Variants in ZNF385B observed in about 807,000 individuals in gnomAD.
ZNF385B encodes zinc finger protein 385B, also known as zinc finger protein 533.
A neutral mutation model predicts 39.2 loss-of-function variants in ZNF385B; 23 were observed. The observed-to-expected ratio is 0.59, with a 90% CI of 0.42 to 0.83. ZNF385B has a LOEUF of 0.83. Among genes scored for constraint, ZNF385B ranks in the 40% least tolerant of loss-of-function variants. The pLI is 0.00. For synonymous variants in ZNF385B, 205 were observed against 222.6 expected, an observed-to-expected ratio of 0.92 and a Z score of 0.70; for missense variants, 552 against 598.9, an observed-to-expected ratio of 0.92 and a Z score of 0.82.
Position 179,769,705 on chromosome 2 carries a change from G to A in ZNF385B, c.96C>T (p.Asn32=), listed in dbSNP as rs61747266. ...TGCTCAACTGGTCCTCAGGCCTGTC[G>A]TTCTTTATCCCCTTTTCTTCAAAGC... The part of the protein sequence containing the change: ...LRGFEEKGIK[N]DRPEDQLSKE... Residue 32 remains asparagine (N), a synonymous_variant, in exon 3 of 10, where the codon AAC becomes AAT. Transcript: ENST00000410066. 7.1e-4 allele frequency: 1,144 copies of A among 1,614,118 alleles called. 5 individuals carry two copies. The African/African-American group carries it at 0.011, about 16-fold the overall frequency.
At chr2:179,586,416 AG>A (rs1174076209) in intron 3 of ZNF385B, among the ~76,000 whole-genome samples, 7 of 152,188 alleles carry the variant, frequency 4.6e-5, no homozygotes, top group African/African-American at 1.7e-4. Flanking sequence ...GCAGCCCTGT[AG>A]TATCTGTTTA....
At chr2:179,656,655 G>A (rs546351605) in intron 3 of ZNF385B, among the ~76,000 whole-genome samples, 1 of 152,072 alleles carries the variant, frequency 6.6e-6, no homozygotes, top group Non-Finnish European at 1.5e-5. Context: ...CTACAGCAGT[G>A]TTTCTCAACC....
intron 1 of ZNF385B, among the ~76,000 whole-genome samples, chr2:179,834,538 C>T (rs546703173): frequency 1.4e-4 from 22 of 151,958 alleles, no homozygotes; most frequent in East Asian, 7.7e-4. Flanking sequence ...AAACGAAAGA[C>T]GGGGGGAAAG....
chr2:179,703,253 A>G (rs181247916), intron 3 of ZNF385B, among the ~76,000 whole-genome samples: 2 of 152,254 alleles, frequency 1.3e-5, no homozygotes, highest in East Asian at 3.9e-4. Context: ...CACCTGCCTC[A>G]AGACCTTAGC....
intron 5 of ZNF385B, among the ~76,000 whole-genome samples, chr2:179,517,492 A>T (rs2058172279): frequency 6.7e-6 from 1 of 149,944 alleles, no homozygotes; most frequent in Non-Finnish European, 1.5e-5. Context: ...TAATTTCATA[A>T]ATCATGATAA....
chr2:179,595,540 G>C (rs966384236), intron 3 of ZNF385B, among the ~76,000 whole-genome samples: 20 of 152,054 alleles, frequency 1.3e-4, no homozygotes, highest in Non-Finnish European at 1.5e-5. Flanking sequence ...GCAGCTCTTT[G>C]AGCAGCCCAG....
chr2:179,448,571 A>G (rs1472540175), intron 6 of ZNF385B, among the ~76,000 whole-genome samples: 1 of 152,120 alleles, frequency 6.6e-6, no homozygotes, highest in African/African-American at 2.4e-5. Context: ...AGAACTTTAC[A>G]GTTTACAAAG....
intron 1 of ZNF385B, among the ~76,000 whole-genome samples, chr2:179,772,923 A>T (rs1036923713): frequency 6.6e-6 from 1 of 152,234 alleles, no homozygotes; most frequent in African/African-American, 2.4e-5. Context: ...TTACCAGATT[A>T]GATGACCAAC....
chr2:179,852,064 T>C (rs1684215066), intron 1 of ZNF385B, among the ~76,000 whole-genome samples: 1 of 152,112 alleles, frequency 6.6e-6, no homozygotes, highest in Non-Finnish European at 1.5e-5. Flanking sequence ...ACTTCAAGGA[T>C]TTGCAAGGGC....
intron 3 of ZNF385B, among the ~76,000 whole-genome samples, chr2:179,622,966 T>TCA (rs1690341475): frequency 6.6e-6 from 1 of 152,182 alleles, no homozygotes. Context: ...AGCTAAAATC[T>TCA]CACACATTTA....
intron 1 of ZNF385B, among the ~76,000 whole-genome samples, chr2:179,842,665 G>T (rs1040035646): frequency 1.3e-5 from 2 of 151,874 alleles, no homozygotes; most frequent in African/African-American, 4.8e-5. Flanking sequence ...CCACCAGATG[G>T]CAGTCGAGGC....
At chr2:179,673,167 C>A (rs1696271368) in intron 3 of ZNF385B, among the ~76,000 whole-genome samples, 1 of 152,076 alleles carries the variant, frequency 6.6e-6, no homozygotes, top group Non-Finnish European at 1.5e-5. Context: ...CCAAGAAACC[C>A]CAAGCCAAGC....
chr2:179,644,697 G>T (rs1324267261), intron 3 of ZNF385B, among the ~76,000 whole-genome samples: 1 of 152,078 alleles, frequency 6.6e-6, no homozygotes, highest in Non-Finnish European at 1.5e-5. Flanking sequence ...TGGGACGTTA[G>T]ACTAAAATAA....
At chr2:179,601,901 G>T (rs1688437303) in intron 3 of ZNF385B, among the ~76,000 whole-genome samples, 1 of 152,102 alleles carries the variant, frequency 6.6e-6, no homozygotes. Flanking sequence ...GCTATGATCT[G>T]CTATGCTTTT....
At chr2:179,579,031 A>T (rs1169795655) in intron 3 of ZNF385B, among the ~76,000 whole-genome samples, 1 of 152,100 alleles carries the variant, frequency 6.6e-6, no homozygotes, top group African/African-American at 2.4e-5. Flanking sequence ...TTATCCTGAC[A>T]TACACAGTAA....
At chr2:179,497,865 T>C (rs931800597) in intron 5 of ZNF385B, among the ~76,000 whole-genome samples, 2 of 152,074 alleles carry the variant, frequency 1.3e-5, no homozygotes, top group African/African-American at 4.8e-5. Context: ...AATTAAGGGA[T>C]GTAAAGATAT....
intron 8 of ZNF385B, 86 bp from the exon 9 acceptor site, chr2:179,445,063 G>T: frequency 1.8e-6 from 2 of 1,132,672 alleles, no homozygotes; most frequent in East Asian, 4.7e-5. Context: ...TTTCTCCATT[G>T]CCAACTCTAG....
intron 3 of ZNF385B, among the ~76,000 whole-genome samples, chr2:179,661,564 G>A (rs1442366713): frequency 6.6e-6 from 1 of 152,136 alleles, no homozygotes; most frequent in East Asian, 1.9e-4. Flanking sequence ...ACCAGGTGAT[G>A]CTGGTATTAC....
At chr2:179,489,559 A>G (rs1303486070) in intron 5 of ZNF385B, among the ~76,000 whole-genome samples, 1 of 152,226 alleles carries the variant, frequency 6.6e-6, no homozygotes, top group African/African-American at 2.4e-5. Context: ...TAAACATACT[A>G]AGAAACTAAA....
Sources: allele counts gnomAD v4.1 joint callset (sites outside exome capture counted in the v4.1 genomes callset), GRCh38; gene constraint gnomAD v4.1.1; transcripts MANE v1.5; gene names NCBI Gene and HGNC (gene_info 2026-07-23, HGNC 2026-07-21).